The following FBXO34 variants were observed in gnomAD, a reference collection of about 807,000 sequenced individuals.
FBXO34 encodes the protein F-box only protein 34.
A neutral mutation model predicts 24.5 loss-of-function variants in FBXO34; 12 were observed. That is an observed-to-expected ratio of 0.49 (90% CI 0.31 to 0.79). The LOEUF is 0.79. Among genes scored for constraint, FBXO34 ranks in the 30% least tolerant of loss-of-function variants. The probability of loss-of-function intolerance (pLI) is 0.04; values close to 1 mark genes in which losing one functional copy is unlikely to be tolerated. For synonymous variants in FBXO34, 320 were observed against 311.9 expected (o/e 1.03, Z -0.27); for missense variants, 823 against 857.7 (o/e 0.96, Z 0.51).
At chr14:55,278,097 G>A (rs1040099619) in intron 1 of FBXO34, among the ~76,000 whole-genome samples, 2 of 151,998 alleles carry the variant, frequency 1.3e-5, no homozygotes, top group East Asian at 1.9e-4. Flanking sequence ...TCCTTGGGTA[G>A]GACTGTTGTT....
At chr14:55,325,240 C>G (rs1230559264) in intron 1 of FBXO34, among the ~76,000 whole-genome samples, 1 of 152,084 alleles carries the variant, frequency 6.6e-6, no homozygotes, top group African/African-American at 2.4e-5. Context: ...TACTATTTGC[C>G]TTAGTTGGTT....
At chr14:55,365,058 T>TA (rs563260970), downstream of FBXO34, among the ~76,000 whole-genome samples, 2,451 of 124,414 alleles carry the variant, frequency 0.02, 62 homozygotes, top group African/African-American at 0.066. Context: ...ATCTCTACTT[T>TA]AAAAAAAAAA....
chr14:55,408,779 T>C, the FBXO34 span, among the ~76,000 whole-genome samples: 1 of 151,874 alleles, frequency 6.6e-6, no homozygotes, highest in Non-Finnish European at 1.5e-5. Context: ...TCAAAAAAAA[T>C]AAAATAAAAT....
At chr14:55,439,618 C>CA in the FBXO34 span, among the ~76,000 whole-genome samples, 112 of 60,296 alleles carry the variant, frequency 1.9e-3, 9 homozygotes, top group African/African-American at 8.1e-3. Flanking sequence ...AAGCAAACCC[C>CA]CCCCCGTCTC....
chr14:55,300,341 C>T (rs1035063833), intron 1 of FBXO34, among the ~76,000 whole-genome samples: 1 of 152,090 alleles, frequency 6.6e-6, no homozygotes, highest in African/African-American at 2.4e-5. Flanking sequence ...GCCTGCAATC[C>T]CAGCACTTTA....
At chr14:55,273,603 C>T (rs1881233560) in intron 1 of FBXO34, among the ~76,000 whole-genome samples, 2 of 152,114 alleles carry the variant, frequency 1.3e-5, no homozygotes, top group Admixed American at 6.5e-5. Context: ...GCCTTTGGAT[C>T]ACCAGAGACT....
intron 1 of FBXO34, among the ~76,000 whole-genome samples, chr14:55,273,551 A>G (rs577719973): frequency 1.0e-3 from 154 of 152,318 alleles, no homozygotes; most frequent in Non-Finnish European, 1.9e-3. Context: ...TCGTATGTAC[A>G]AATTTTGTAT....
chr14:55,318,018 C>CCTTTT (rs1882992578), intron 1 of FBXO34, among the ~76,000 whole-genome samples: 1 of 152,026 alleles, frequency 6.6e-6, no homozygotes, highest in African/African-American at 2.4e-5. Flanking sequence ...AATTTCTGAA[C>CCTTTT]GTTTTGTAAG....
the FBXO34 span, chr14:55,440,668 G>A: frequency 3.4e-6 from 4 of 1,168,968 alleles, no homozygotes; most frequent in Non-Finnish European, 4.7e-6. Context: ...GCCCATGGGC[G>A]CTGGGAAGCG....
chr14:55,356,359 T>C (rs1213357071), downstream of FBXO34, among the ~76,000 whole-genome samples: 1 of 152,220 alleles, frequency 6.6e-6, no homozygotes, highest in Non-Finnish European at 1.5e-5. Context: ...TGAGAGCTGA[T>C]GTTATCTAGC....
chr14:55,380,817 T>C, the FBXO34 span: 1 of 389,340 alleles, frequency 2.6e-6, no homozygotes, highest in Non-Finnish European at 4.6e-6. Context: ...CCTTAATAGA[T>C]GCTCCATGAC....
intron 1 of FBXO34, among the ~76,000 whole-genome samples, chr14:55,333,722 C>CTTT (rs11406474): frequency 6.9e-6 from 1 of 145,340 alleles, no homozygotes; most frequent in Admixed American, 6.9e-5. Context: ...GCTGGGGTGG[C>CTTT]TTTTTTTTTT....
the FBXO34 span, among the ~76,000 whole-genome samples, chr14:55,406,744 G>T: frequency 6.6e-6 from 1 of 152,188 alleles, no homozygotes; most frequent in South Asian, 2.1e-4. Flanking sequence ...AAAGCACATA[G>T]TCTGGAAAAG....
the FBXO34 span, chr14:55,394,915 C>G: frequency 1.6e-5 from 6 of 376,704 alleles, no homozygotes; most frequent in East Asian, 4.3e-4. Flanking sequence ...CTGGTTGTAC[C>G]AAAAAGTAAA....
chr14:55,276,591 G>T (rs995381610), intron 1 of FBXO34, among the ~76,000 whole-genome samples: 1 of 152,058 alleles, frequency 6.6e-6, no homozygotes, highest in Non-Finnish European at 1.5e-5. Flanking sequence ...AATTCTCTCG[G>T]CCCCGAGGAA....
chr14:55,367,155 C>G (rs1393327923), exon 3 of FBXO34: 2 of 152,332 alleles, frequency 1.3e-5, no homozygotes, highest in Admixed American at 1.3e-4. Context: ...AGCTTCATCT[C>G]TCATTCATGG....
downstream of FBXO34, among the ~76,000 whole-genome samples, chr14:55,372,061 C>T (rs1884831257): frequency 6.6e-6 from 1 of 152,080 alleles, no homozygotes; most frequent in Non-Finnish European, 1.5e-5. Flanking sequence ...ACTCTAGAGC[C>T]ATCTTTTCCG....
chr14:55,416,601 C>A, the FBXO34 span, among the ~76,000 whole-genome samples: 1 of 152,138 alleles, frequency 6.6e-6, no homozygotes, highest in African/African-American at 2.4e-5. Flanking sequence ...GAAAAAGCCA[C>A]AAGTTTCAGC....
chr14:55,296,756 A>G (rs116609068), intron 1 of FBXO34, among the ~76,000 whole-genome samples: 1,830 of 152,272 alleles, frequency 0.012, 44 homozygotes, highest in African/African-American at 0.041. Context: ...ATAGTAGTGG[A>G]AACAGTCTTC....
Sources: gnomAD v4.1 joint callset for allele counts (sites outside exome capture counted in the v4.1 genomes callset) on GRCh38, gnomAD v4.1.1 for gene constraint, MANE v1.5 for transcripts, NCBI Gene and HGNC (gene_info 2026-07-23, HGNC 2026-07-21) for gene names.